Variants in SGCZ observed in about 807,000 individuals in gnomAD.
SGCZ encodes sarcoglycan zeta.
SGCZ carries 40 observed loss-of-function variants against 41.3 expected under a neutral mutation model. The observed-to-expected ratio is 0.97, with a 90% CI of 0.75 to 1.26. SGCZ has a LOEUF of 1.26. Among genes scored for constraint, SGCZ ranks in the 50% most tolerant of loss-of-function variants. The pLI is 0.00. For missense variants in SGCZ, 552 were observed against 369.8 expected, an observed-to-expected ratio of 1.49 and a Z score of -4.04; for synonymous variants, 206 against 137.5, an observed-to-expected ratio of 1.50 and a Z score of -3.49.
chr8:14,694,933 A>G (rs1283899229), intron 1 of SGCZ, among the ~76,000 whole-genome samples: 1 of 152,212 alleles, frequency 6.6e-6, no homozygotes, highest in African/African-American at 2.4e-5. Context: ...GTTTAATATA[A>G]AATGAAAAGA....
intron 5 of SGCZ, among the ~76,000 whole-genome samples, chr8:14,131,990 G>C (rs1425220195): frequency 6.6e-6 from 1 of 152,074 alleles, no homozygotes; most frequent in Non-Finnish European, 1.5e-5. Flanking sequence ...GAAAACACTT[G>C]AGATGCATTT....
chr8:15,038,657 A>G (rs1236257168), intron 1 of SGCZ, among the ~76,000 whole-genome samples: 2 of 152,050 alleles, frequency 1.3e-5, no homozygotes, highest in Non-Finnish European at 2.9e-5. Context: ...GACAACGAAC[A>G]CAGTGATAAG....
At chr8:15,146,257 T>C (rs1315041930) in intron 1 of SGCZ, among the ~76,000 whole-genome samples, 1 of 152,182 alleles carries the variant, frequency 6.6e-6, no homozygotes, top group Non-Finnish European at 1.5e-5. Context: ...AATATAATGA[T>C]GTAAATGCCT....
At chr8:14,340,420 C>T (rs1023143886) in intron 2 of SGCZ, among the ~76,000 whole-genome samples, 8 of 152,090 alleles carry the variant, frequency 5.3e-5, no homozygotes, top group African/African-American at 1.7e-4. Flanking sequence ...CTATAACAGC[C>T]TATTTTTCTT....
intron 2 of SGCZ, among the ~76,000 whole-genome samples, chr8:14,510,788 T>C (rs1391221255): frequency 1.3e-5 from 2 of 152,118 alleles, no homozygotes; most frequent in African/African-American, 2.4e-5. Context: ...TTTTGCTCCT[T>C]TGAGTTATAA....
intron 1 of SGCZ, among the ~76,000 whole-genome samples, chr8:14,687,067 G>T (rs1808633341): frequency 6.6e-6 from 1 of 150,512 alleles, no homozygotes; most frequent in African/African-American, 2.4e-5. Flanking sequence ...ATGGTATTTT[G>T]AAGATTTGTA....
chr8:14,382,408 C>CA (rs1215742464), intron 2 of SGCZ, among the ~76,000 whole-genome samples: 2 of 150,530 alleles, frequency 1.3e-5, no homozygotes, highest in Admixed American at 6.6e-5. Flanking sequence ...TGGTCACTAA[C>CA]AAAAAAATTT....
At chr8:14,934,920 T>C (rs1293301941) in intron 1 of SGCZ, among the ~76,000 whole-genome samples, 1 of 149,144 alleles carries the variant, frequency 6.7e-6, no homozygotes, top group Non-Finnish European at 1.5e-5. Flanking sequence ...AATCTCCCAG[T>C]ACTGAAAAAA....
chr8:15,083,830 AC>A (rs1421271758), intron 1 of SGCZ, among the ~76,000 whole-genome samples: 3 of 152,122 alleles, frequency 2.0e-5, no homozygotes, highest in African/African-American at 7.2e-5. Flanking sequence ...TTGGGCTCAA[AC>A]AGTCTTCCCA....
rs113048166 is a variant in SGCZ, at chr8:14,569,132, T to C, written c.40-14206A>G. Among the ~76,000 whole-genome samples the C allele has an allele frequency of 8.1e-3, 1,230 of 152,318 alleles. 10 individuals carry two copies. The highest frequency in any genetic ancestry group is 0.028 in the African/African-American group (1,175 of 41,566). On this transcript the variant is annotated intron_variant, in intron 1 of 7. Coordinates refer to ENST00000382080, the MANE Select transcript of SGCZ (RefSeq NM_139167.4). Reference sequence around the variant, plus strand: ...ACCCCCATGTCTGAATCAATACTACTGTAAATTAGGAGGCTTCTGAATCAC... The same window carrying C: ...ACCCCCATGTCTGAATCAATACTACCGTAAATTAGGAGGCTTCTGAATCAC...
Position 14,644,405 on chromosome 8 carries a change from A to G in SGCZ, c.40-89479T>C, listed in dbSNP as rs144483457. On this transcript the variant is annotated intron_variant, in intron 1 of 7. Transcript: ENST00000382080. Reference sequence around the variant, plus strand: ...CAAGCTGCCCTGCAGAATTCACACTACACACTGCAACATCAACTCTTACCC... The same window carrying G: ...CAAGCTGCCCTGCAGAATTCACACTGCACACTGCAACATCAACTCTTACCC... Among the ~76,000 whole-genome samples the G allele has an allele frequency of 5.0e-4, 76 of 151,988 alleles. No individual in the cohort carries two copies. In the East Asian group the frequency reaches 0.014, roughly 28 times the overall value.
intron 3 of SGCZ, among the ~76,000 whole-genome samples, chr8:14,244,625 T>C (rs1026029326): frequency 5.3e-5 from 8 of 151,542 alleles, no homozygotes; most frequent in Non-Finnish European, 1.0e-4. Flanking sequence ...TCCAATTCTG[T>C]GCAGAAAGGC....
chr8:14,201,343 T>A (rs1805448822), intron 4 of SGCZ, among the ~76,000 whole-genome samples: 1 of 152,124 alleles, frequency 6.6e-6, no homozygotes, highest in Non-Finnish European at 1.5e-5. Context: ...TGGCTTTATA[T>A]CAAGAATCAC....
intron 1 of SGCZ, among the ~76,000 whole-genome samples, chr8:14,833,511 C>T (rs79920920): frequency 0.071 from 10,800 of 152,236 alleles, 469 homozygotes; most frequent in African/African-American, 0.11. Context: ...CTTCTGTGAA[C>T]TGACATCCTT....
At chr8:14,770,426 T>C (rs1472379008) in intron 1 of SGCZ, among the ~76,000 whole-genome samples, 1 of 151,738 alleles carries the variant, frequency 6.6e-6, no homozygotes, top group African/African-American at 2.4e-5. Context: ...GGTCAGTATA[T>C]TATTTGGGGG....
intron 3 of SGCZ, among the ~76,000 whole-genome samples, chr8:14,304,422 T>C (rs1392873081): frequency 1.3e-5 from 2 of 152,034 alleles, no homozygotes; most frequent in Non-Finnish European, 2.9e-5. Flanking sequence ...AGTAAAACTT[T>C]GTCTCTACAA....
intron 1 of SGCZ, among the ~76,000 whole-genome samples, chr8:14,784,684 C>T (rs959238715): frequency 1.3e-5 from 2 of 151,320 alleles, no homozygotes; most frequent in African/African-American, 4.9e-5. Flanking sequence ...CATCTGAGGT[C>T]AGGAGTTCAA....
intron 1 of SGCZ, among the ~76,000 whole-genome samples, chr8:14,596,056 G>A (rs951596178): frequency 1.3e-5 from 2 of 152,300 alleles, no homozygotes; most frequent in Non-Finnish European, 2.9e-5. Context: ...AATAAAACCT[G>A]CCACCGTCAG....
At chr8:14,192,611 CTACAT>C (rs1283580216) in intron 4 of SGCZ, among the ~76,000 whole-genome samples, 6 of 151,688 alleles carry the variant, frequency 4.0e-5, no homozygotes, top group Admixed American at 1.3e-4. Flanking sequence ...TTACCTGATT[CTACAT>C]TACTTTTCTT....
Sources: allele counts gnomAD v4.1 joint callset (sites outside exome capture counted in the v4.1 genomes callset), GRCh38; gene constraint gnomAD v4.1.1; transcripts MANE v1.5; gene names NCBI Gene and HGNC (gene_info 2026-07-23, HGNC 2026-07-21).